Variants in ANKS1B observed in about 807,000 individuals in gnomAD.
The protein encoded by ANKS1B is ankyrin repeat and sterile alpha motif domain containing 1B.
A neutral mutation model predicts 148.3 loss-of-function variants in ANKS1B; 36 were observed. That is an observed-to-expected ratio of 0.24 (90% CI 0.19 to 0.32). The LOEUF (loss-of-function observed/expected upper bound fraction) is 0.32, where lower values mean the gene tolerates loss of function less well. Among genes scored for constraint, ANKS1B ranks in the 10% least tolerant of loss-of-function variants. The probability of loss-of-function intolerance (pLI) is 1.00; values close to 1 mark genes in which losing one functional copy is unlikely to be tolerated. For synonymous variants in ANKS1B, 542 were observed against 560.8 expected (o/e 0.97, Z 0.47); for missense variants, 1,157 against 1,542.6 (o/e 0.75, Z 4.19).
intron 17 of ANKS1B, chr12:98,894,822 G>T: frequency 1.0e-6 from 1 of 983,038 alleles, no homozygotes; most frequent in Non-Finnish European, 1.2e-6. Flanking sequence ...GAGGCGCGGA[G>T]CTTGGCCGCG....
chr12:98,945,676 T>C (rs570248783), intron 17 of ANKS1B, among the ~76,000 whole-genome samples: 4 of 152,290 alleles, frequency 2.6e-5, no homozygotes, highest in African/African-American at 9.6e-5. Context: ...CAAATTTGTT[T>C]TGCATTCATT....
chr12:99,888,516 G>C (rs1313705005), intron 1 of ANKS1B, among the ~76,000 whole-genome samples: 1 of 152,178 alleles, frequency 6.6e-6, no homozygotes, highest in Non-Finnish European at 1.5e-5. Flanking sequence ...AAGGGCTACT[G>C]ACCCTTAATA....
At chr12:98,924,138 T>G (rs1204140546) in intron 17 of ANKS1B, among the ~76,000 whole-genome samples, 2 of 152,218 alleles carry the variant, frequency 1.3e-5, no homozygotes, top group Non-Finnish European at 2.9e-5. Context: ...AGAGGTCTGA[T>G]TAAAGCAGGG....
At chr12:99,648,886 T>G in intron 9 of ANKS1B, 2 of 1,452,610 alleles carry the variant, frequency 1.4e-6, no homozygotes, top group Non-Finnish European at 1.8e-6. Context: ...ACCTGGGAAA[T>G]GCATTGCATT....
At chr12:99,377,194 G>A (rs1014726085) in intron 12 of ANKS1B, among the ~76,000 whole-genome samples, 2 of 152,090 alleles carry the variant, frequency 1.3e-5, no homozygotes, top group Non-Finnish European at 2.9e-5. Context: ...TTTTAGGAGA[G>A]ACGGGGTTTC....
chr12:99,455,937 A>G lies in ANKS1B; in HGVS notation c.1439-12128T>C, dbSNP rs575874954. ...CTGCAGCTGATGTGCTATTGAAAGC[A>G]CCACCTCCTGGCTTGAGGACAACCA... is the stretch of plus-strand genomic sequence containing the variant. On this transcript the variant is annotated intron_variant, in intron 10 of 26. Transcript: ENST00000683438. 5.3e-4 allele frequency among the ~76,000 whole-genome samples: 81 copies of G among 152,236 alleles called. 1 individual carries two copies. The highest frequency in any genetic ancestry group is 1.5e-3 in the Admixed American group (23 of 15,290).
In ANKS1B at chr12:99,283,435, C is replaced by T. The variant is rs80059991; in HGVS notation, c.1757-36571G>A. ...GAGCTCACTGTTATCAGATATTCAT[C>T]TTTACTGTTTGTTCTCTTCCTGTGT... On this transcript the variant is annotated intron_variant, in intron 12 of 26. Coordinates refer to ENST00000683438, the MANE Select transcript of ANKS1B (RefSeq NM_001352186.2). 8.8e-3 allele frequency among the ~76,000 whole-genome samples: 1,337 copies of T among 152,232 alleles called. 18 individuals carry two copies. Among genetic ancestry groups the T allele is most frequent in the African/African-American group, 0.03 (1,254 of 41,552 alleles).
intron 10 of ANKS1B, among the ~76,000 whole-genome samples, chr12:99,466,498 G>C (rs759004303): frequency 2.0e-5 from 3 of 151,652 alleles, no homozygotes; most frequent in African/African-American, 7.3e-5. Context: ...ATAAATCCAG[G>C]AGCTGGTTTT....
intron 14 of ANKS1B, among the ~76,000 whole-genome samples, chr12:99,199,697 T>C (rs2081828517): frequency 6.6e-6 from 1 of 152,154 alleles, no homozygotes; most frequent in Admixed American, 6.6e-5. Flanking sequence ...TATACCTTTT[T>C]GGGCCTCTCT....
intron 14 of ANKS1B, among the ~76,000 whole-genome samples, chr12:99,230,494 G>A (rs940554215): frequency 2.6e-5 from 4 of 152,032 alleles, no homozygotes; most frequent in Admixed American, 2.0e-4. Flanking sequence ...CCATTGATAC[G>A]TCATAAGCAA....
At chr12:99,631,515 A>C (rs1177193399) in intron 9 of ANKS1B, among the ~76,000 whole-genome samples, 1 of 152,164 alleles carries the variant, frequency 6.6e-6, no homozygotes, top group East Asian at 1.9e-4. Flanking sequence ...TCATGACCAG[A>C]GTGCTGATAG....
At chr12:99,860,380 T>C (rs938681172) in intron 1 of ANKS1B, among the ~76,000 whole-genome samples, 2 of 152,174 alleles carry the variant, frequency 1.3e-5, no homozygotes, top group Non-Finnish European at 2.9e-5. Context: ...TGAAACATCA[T>C]GGGTTGTTCA....
Position 99,498,656 on chromosome 12 carries a change from A to G in ANKS1B, c.1438+5820T>C, listed in dbSNP as rs1195118138. 3.3e-5 allele frequency among the ~76,000 whole-genome samples: 5 copies of G among 152,120 alleles called. No individual in the cohort carries two copies. In the East Asian group the frequency reaches 9.6e-4, roughly 29 times the overall value. ...ACTTATACCTTTTGCTCTGTTCCTTATGCAATATTTAGCACAATGCCTAGA... is the reference window on the plus strand; with the variant it reads ...ACTTATACCTTTTGCTCTGTTCCTTGTGCAATATTTAGCACAATGCCTAGA... On this transcript the variant is annotated intron_variant, in intron 10 of 26. Coordinates refer to ENST00000683438, the MANE Select transcript of ANKS1B (RefSeq NM_001352186.2).
At chr12:98,938,488 T>C (rs2099825352) in intron 17 of ANKS1B, among the ~76,000 whole-genome samples, 1 of 152,192 alleles carries the variant, frequency 6.6e-6, no homozygotes, top group Admixed American at 6.6e-5. Context: ...ATGATTTTCA[T>C]GTGCAGGCAG....
At chr12:99,691,205 A>G (rs1190404035) in intron 8 of ANKS1B, among the ~76,000 whole-genome samples, 1 of 152,198 alleles carries the variant, frequency 6.6e-6, no homozygotes, top group South Asian at 2.1e-4. Flanking sequence ...CCCACCCTAC[A>G]AAACCATACT....
chr12:99,711,014 A>G (rs1042012487), intron 8 of ANKS1B, among the ~76,000 whole-genome samples: 1 of 152,072 alleles, frequency 6.6e-6, no homozygotes, highest in African/African-American at 2.4e-5. Flanking sequence ...CCTCTCCCTC[A>G]ACTCCTGCAG....
chr12:99,647,616 G>A (rs2098383377), intron 9 of ANKS1B: 1 of 156,624 alleles, frequency 6.4e-6, no homozygotes, highest in Non-Finnish European at 1.4e-5. Context: ...AGGGCGGTGG[G>A]GCTGAGGGTG....
At chr12:99,492,009 C>A (rs1458967774) in intron 10 of ANKS1B, among the ~76,000 whole-genome samples, 1 of 151,808 alleles carries the variant, frequency 6.6e-6, no homozygotes, top group African/African-American at 2.4e-5. Context: ...AACTAGAGAA[C>A]CAAGGGCACC....
intron 8 of ANKS1B, among the ~76,000 whole-genome samples, chr12:99,729,491 AT>A (rs1474200088): frequency 6.6e-6 from 1 of 151,984 alleles, no homozygotes; most frequent in African/African-American, 2.4e-5. Context: ...TTTCTATTTG[AT>A]TTTTTTAATC....
Sources: gnomAD v4.1 joint callset for allele counts (sites outside exome capture counted in the v4.1 genomes callset) on GRCh38, gnomAD v4.1.1 for gene constraint, MANE v1.5 for transcripts, NCBI Gene and HGNC (gene_info 2026-07-23, HGNC 2026-07-21) for gene names.